Variants in SLC4A11 observed in about 807,000 individuals in gnomAD.
SLC4A11 encodes solute carrier family 4 member 11.
In SLC4A11, 74 loss-of-function variants were observed where a neutral mutation model predicts 95.0. The ratio of observed to expected loss-of-function variants is 0.78; its 90% CI spans 0.65 to 0.95. The LOEUF is 0.95. SLC4A11 is among the 40% of genes least tolerant of loss of function. The pLI is 0.00. For synonymous variants in SLC4A11, 548 were observed against 519.0 expected, an observed-to-expected ratio of 1.06 and a Z score of -0.76; for missense variants, 1,081 against 1,192.4, an observed-to-expected ratio of 0.91 and a Z score of 1.38.
In SLC4A11 at chr20:3,234,608, G is replaced by A. The variant is rs145115400; in HGVS notation, c.251C>T (p.Ala84Val). 886 of 1,613,896 alleles carry A rather than the reference G, an allele frequency of 5.5e-4. 3 individuals are homozygous for A. The highest frequency in any genetic ancestry group is 6.4e-4 in the Non-Finnish European group (756 of 1,180,022). The change falls in exon 4 of 20, where the codon GCG becomes GTG. Residue 84 changes from alanine to valine, a missense_variant. This residue lies in a region of SLC4A11 where 310 missense variants were observed against 313.5 expected (regional missense o/e 0.99). Coordinates refer to ENST00000642402, the MANE Select transcript of SLC4A11 (RefSeq NM_001174089.2). This position sits in a 1 kb window ranked among gnomAD's most constrained non-coding sequence, Gnocchi z 5.8. ...CAGGAGCACACAGCCACCGGAAGTC[G>A]CTTCATTCTCTGCCGGAGAAAAGCG... ...EMQATNTENE[A>V]TSGGCVLLHT...
At position 3,230,497 on chromosome 20, in the gene SLC4A11, C is replaced by G; in HGVS notation, c.1415+18G>C. On this transcript the variant is annotated intron_variant, in intron 12 of 19. Transcript: ENST00000642402. ...CCAAGCCTTGAGGGTCCCAGCAGCT[C>G]ACGGAAGGGCCAGTCACCTCTTGAA... 1 of 1,613,658 alleles carries G rather than the reference C, an allele frequency of 6.2e-7. No individual in the cohort carries two copies. Among genetic ancestry groups the G allele is most frequent in the Non-Finnish European group, 8.5e-7 (1 of 1,180,022 alleles).
In SLC4A11 at chr20:3,234,343, C is replaced by A. The variant is rs762511814; in HGVS notation, c.292-29G>T. 1.9e-5 allele frequency: 30 copies of A among 1,600,080 alleles called. No individual in the cohort carries two copies. The highest frequency in any genetic ancestry group is 2.5e-5 in the Non-Finnish European group (29 of 1,169,234). On this transcript the variant is annotated intron_variant, in intron 4 of 19. Coordinates refer to ENST00000642402, the MANE Select transcript of SLC4A11 (RefSeq NM_001174089.2). This position sits in a 1 kb window ranked among gnomAD's most constrained non-coding sequence, Gnocchi z 5.8. ...AGGGGACCCCAGGGACAGAACCACACGGGCCCATGTATGAGATGCTGTCAC... is the reference window on the plus strand; with the variant it reads ...AGGGGACCCCAGGGACAGAACCACAAGGGCCCATGTATGAGATGCTGTCAC...
intron 2 of SLC4A11, 48 bp downstream of exon 2, chr20:3,237,496 G>A (rs768886186): frequency 3.8e-6 from 6 of 1,595,964 alleles, no homozygotes; most frequent in Non-Finnish European, 5.2e-6. Context: ...GGAGGCTTTT[G>A]CCCGACAAGC....
rs2067923148 is a variant in SLC4A11, at chr20:3,234,980, C to G, written c.89-86G>C. 1 of 1,549,548 alleles carries G rather than the reference C, an allele frequency of 6.5e-7. No individual in the cohort carries two copies. The highest frequency in any genetic ancestry group is 1.4e-5 in the African/African-American group (1 of 73,752). The stretch of plus-strand genomic sequence containing the variant: ...GCTCCAAGCCCAGGGAGCAGGGACC[C>G]CTGGACTGTCCCACTCTCGGGCCGT... On this transcript the variant is annotated intron_variant, in intron 2 of 19. Coordinates refer to ENST00000642402, the MANE Select transcript of SLC4A11 (RefSeq NM_001174089.2). The surrounding 1 kb of genome is among the most constrained non-coding windows in gnomAD (Gnocchi z 5.8).
At position 3,229,561 on chromosome 20, in the gene SLC4A11, G is replaced by C; in HGVS notation, c.1705C>G (p.Leu569Val). The change falls in exon 14 of 20, where the codon CTC becomes GTC. Residue 569 changes from leucine (L) to valine (V), a missense_variant. Physicochemically the swap from Leu to Val is conservative, Grantham distance 32. This residue lies in a region of SLC4A11 where 767 missense variants were observed against 858.0 expected (regional missense o/e 0.89). Coordinates refer to ENST00000642402, the MANE Select transcript of SLC4A11 (RefSeq NM_001174089.2). ...TGGTAGAGGGTGTAGCCCAGCCAGA[G>C]CGTGCCCAGCATGATGAGGAGGCTG... ...VLSLLIMLGT[L>V]WLGYTLYQFK... is the part of the protein sequence containing the mutation. 1 of 1,612,930 alleles carries C rather than the reference G, an allele frequency of 6.2e-7. No homozygotes were observed. The highest frequency in any genetic ancestry group is 1.1e-5 in the South Asian group (1 of 91,060).
At chr20:3,237,678 A>T (rs758752912) in intron 1 of SLC4A11, 90 bp from the exon 2 acceptor site, 2 of 1,613,990 alleles carry the variant, frequency 1.2e-6, no homozygotes, top group East Asian at 2.2e-5. Flanking sequence ...GACCTGGCTC[A>T]TTCCTTCGCT....
At chr20:3,233,850 A>G in intron 6 of SLC4A11, 71 bp downstream of exon 6, 1 of 1,572,578 alleles carries the variant, frequency 6.4e-7, no homozygotes. Context: ...TGGCCTCTGC[A>G]GGGCACAGGG....
rs754366107 is a variant in SLC4A11, at chr20:3,230,584, A to G, written c.1346T>C (p.Leu449Pro). 1.9e-6 allele frequency: 3 copies of G among 1,613,934 alleles called. No homozygotes were observed. The highest frequency in any genetic ancestry group is 1.3e-5 in the African/African-American group (1 of 75,052). The change falls in exon 12 of 20, where the codon CTG becomes CCG. Residue 449 changes from leucine to proline, a missense_variant. Leu to Pro is a moderately conservative substitution (Grantham distance 98, BLOSUM62 -3). Coordinates refer to ENST00000642402, the MANE Select transcript of SLC4A11 (RefSeq NM_001174089.2). ...DFNSFYAWTG[L>P]WNSFFLALYA... is the part of the protein sequence containing the mutation. ...AAGCGCAAGGAAGAAACTATTCCACAGGCCCGTCCATGCGTAGAAGGAGTT... is the reference window on the plus strand; with the variant it reads ...AAGCGCAAGGAAGAAACTATTCCACGGGCCCGTCCATGCGTAGAAGGAGTT...
Position 3,229,591 on chromosome 20 carries a change from C to T in SLC4A11, c.1675G>A (p.Val559Met), listed in dbSNP as rs144734280. The T allele has an allele frequency of 9.6e-5, 155 of 1,612,572 alleles. No homozygotes were observed. The African/African-American group carries it at 1.8e-3, about 19-fold the overall frequency. The change falls in exon 14 of 20, where the codon GTG becomes ATG. Residue 559 changes from valine (V) to methionine (M), a missense_variant. Coordinates refer to ENST00000642402, the MANE Select transcript of SLC4A11 (RefSeq NM_001174089.2). ...CCCAGCATGATGAGGAGGCTGAGCA[C>T]GGCGGTCGCCTGGCCTGAGTGTGTG... ...SATHSGQATA[V>M]LSLLIMLGTL...
upstream of SLC4A11, chr20:3,239,369 G>A (rs1325375631): frequency 1.8e-6 from 2 of 1,123,848 alleles, no homozygotes; most frequent in South Asian, 4.4e-5. Flanking sequence ...TGCTCCAGCC[G>A]GGCTGGGCTG....
chr20:3,229,063 CCG>C, intron 16 of SLC4A11, 30 bp downstream of exon 16: 2 of 781,044 alleles, frequency 2.6e-6, no homozygotes, highest in Non-Finnish European at 4.0e-6. Context: ...GGCCCGGGCC[CCG>C]CCCACCCCAC....
chr20:3,234,748 T>C lies in SLC4A11; in HGVS notation c.235A>G (p.Asn79Asp). 1.2e-6 allele frequency: 2 copies of C among 1,613,880 alleles called. No individual in the cohort carries two copies. The highest frequency in any genetic ancestry group is 1.7e-6 in the Non-Finnish European group (2 of 1,180,000). The change falls in exon 3 of 20, where the codon AAC (asparagine) becomes GAC (aspartate). Residue 79 changes from asparagine (N) to aspartate (D), a missense_variant. Physicochemically the swap from Asn to Asp is conservative, Grantham distance 23. Coordinates refer to ENST00000642402, the MANE Select transcript of SLC4A11 (RefSeq NM_001174089.2). This position sits in a 1 kb window ranked among gnomAD's most constrained non-coding sequence, Gnocchi z 5.8. ...VNVNLEMQAT[N>D]TENEATSGGC... ...CCTGCTGCAGCCCCCATACCAGTGT[T>C]GGTGGCCTGCATCTCAAGGTTGACA...
At chr20:3,228,450 T>C (rs1314446690) in intron 18 of SLC4A11, 22 bp from the exon 19 acceptor site, 3 of 1,612,886 alleles carry the variant, frequency 1.9e-6, no homozygotes, top group African/African-American at 1.3e-5. Context: ...AGGGACCGGG[T>C]GTGGGCAGGC....
Position 3,234,403 on chromosome 20 carries a change from T to TCCAGCC in SLC4A11, c.292-95_292-90dup. 1 of 1,338,892 alleles carries TCCAGCC rather than the reference T, an allele frequency of 7.5e-7. No individual in the cohort carries two copies. The highest frequency in any genetic ancestry group is 1.1e-6 in the Non-Finnish European group (1 of 944,840). 82.9% of individuals were successfully genotyped at this position (1,338,892 alleles called of 1,614,324 possible). ...CCTCCCTCCCAGCCAGCCGCAGCAG[T>TCCAGCC]CCAGCCCCCAGCCCCCAGCCCCCAG... is the stretch of plus-strand genomic sequence containing the variant. On this transcript the variant is annotated intron_variant, in intron 4 of 19. Transcript: ENST00000642402. This position sits in a 1 kb window ranked among gnomAD's most constrained non-coding sequence, Gnocchi z 5.8.
chr20:3,230,391 G>A, intron 12 of SLC4A11, 124 bp downstream of exon 12: 1 of 1,581,684 alleles, frequency 6.3e-7, no homozygotes, highest in South Asian at 1.1e-5. Flanking sequence ...GGCCTTGCCT[G>A]AGCCCACCCC....
Position 3,238,766 on chromosome 20 carries a change from G to C in SLC4A11, c.43+329C>G, listed in dbSNP as rs370183748. 717 of 1,110,302 alleles carry C rather than the reference G, an allele frequency of 6.5e-4. 7 individuals carry two copies. The East Asian group carries it at 0.026, about 41-fold the overall frequency. The allele number at this position is 1,110,302 out of a possible 1,614,324, so 68.8% of individuals were successfully genotyped here. A position where few individuals can be genotyped will look rare whatever the true frequency, so the allele number is the denominator to read the frequency against. On this transcript the variant is annotated intron_variant, in intron 1 of 19. Transcript: ENST00000642402. ...CAGGCTCCCAAAAGCTCGGCGCTCG[G>C]GGCGCTGGGAGCCCCACAGCTCCGC... is the stretch of plus-strand genomic sequence containing the variant.
At position 3,229,214 on chromosome 20, in the gene SLC4A11, C is replaced by G. The variant is rs1439453831; in HGVS notation, c.1899G>C (p.Gln633His). Residue 633 changes from glutamine to histidine, a missense_variant, in exon 16 of 20, where the codon CAG (glutamine) becomes CAC (histidine). Around this residue, in one of 3 missense-constraint regions of SLC4A11, gnomAD observed 767 missense variants for 858.0 expected, o/e 0.89. Transcript: ENST00000642402. ...NPSESPFAMA[Q>H]IQSLSLRAVS... ...CGGCCCTCAGGGACAGCGACTGGAT[C>G]TGCGCCATCGCAAAGGGGCTCTCGC... 6.2e-7 allele frequency: 1 copy of G among 1,612,752 alleles called. No homozygotes were observed. The highest frequency in any genetic ancestry group is 2.2e-5 in the East Asian group (1 of 44,880).
In SLC4A11 at chr20:3,234,425, C is replaced by CCAGCCCA; in HGVS notation, c.292-112_292-111insTGGGCTG. The CCAGCCCA allele has an allele frequency of 6.6e-7, 1 of 1,510,224 alleles. No homozygotes were observed. 93.6% of individuals were successfully genotyped at this position (1,510,224 alleles called of 1,614,324 possible). On this transcript the variant is annotated intron_variant, in intron 4 of 19. Coordinates refer to ENST00000642402, the MANE Select transcript of SLC4A11 (RefSeq NM_001174089.2). The surrounding 1 kb of genome is among the most constrained non-coding windows in gnomAD (Gnocchi z 5.8). ...CAGTCCAGCCCCCAGCCCCCAGCCC[C>CCAGCCCA]CAGCCCTGGGCTGGTGCGAGCTCCC...
rs755677561 is a variant in SLC4A11, at chr20:3,233,962, T to C, written c.564A>G (p.Thr188=). The C allele has an allele frequency of 6.2e-7, 1 of 1,613,676 alleles. No homozygotes were observed. Among genetic ancestry groups the C allele is most frequent in the Non-Finnish European group, 8.5e-7 (1 of 1,179,998 alleles). The change falls in exon 6 of 20, where the codon ACA becomes ACG. Residue 188 remains threonine (T), a synonymous_variant. Transcript: ENST00000642402. Reference sequence around the variant, plus strand: ...ACTGCTGGTACCGCACCCCTGTCACTGTGGCGGTGACCCCTTGGATGGTAT... The same window carrying C: ...ACTGCTGGTACCGCACCCCTGTCACCGTGGCGGTGACCCCTTGGATGGTAT... ...LSDTIQGVTA[T]VTGVRYQQSW...
Sources: gnomAD v4.1 joint callset for allele counts on GRCh38, gnomAD v4.1.1 for gene constraint, gnomAD v4.1.1 regional missense constraint, Gnocchi (gnomAD v3.1) non-coding constraint, MANE v1.5 for transcripts, NCBI Gene and HGNC (gene_info 2026-07-23, HGNC 2026-07-21) for gene names.